STXBP5L: variants seen among roughly 807,000 people sequenced by gnomAD.
STXBP5L encodes the protein syntaxin-binding protein 5-like.
Under a neutral mutation model 144.5 loss-of-function variants are expected in STXBP5L, and 65 were observed. The ratio of observed to expected loss-of-function variants is 0.45; its 90% CI spans 0.37 to 0.55. The LOEUF (loss-of-function observed/expected upper bound fraction) is 0.55, where lower values mean the gene tolerates loss of function less well. Ranked by LOEUF, STXBP5L falls within the 20% of genes least tolerant of loss-of-function variation. The pLI, the probability that STXBP5L is intolerant of heterozygous loss-of-function variation, is 0.00. For synonymous variants in STXBP5L, 505 were observed against 469.6 expected, an observed-to-expected ratio of 1.08 and a Z score of -0.97; for missense variants, 1,298 against 1,405.5, an observed-to-expected ratio of 0.92 and a Z score of 1.22.
At chr3:121,271,154 A>C (rs1423680418) in intron 18 of STXBP5L, among the ~76,000 whole-genome samples, 1 of 152,206 alleles carries the variant, frequency 6.6e-6, no homozygotes, top group East Asian at 1.9e-4. Flanking sequence ...AGATTCTACT[A>C]TTAAGAGACC....
Position 120,988,426 on chromosome 3 carries a change from T to G in STXBP5L, c.287+33389T>G, listed in dbSNP as rs572134247. Reference sequence around the variant, plus strand: ...GGAAACCTTCTTCTTGTTTTGTTATTGATTTCTAGTTTAATTCCATTGTGT... The same window carrying G: ...GGAAACCTTCTTCTTGTTTTGTTATGGATTTCTAGTTTAATTCCATTGTGT... On this transcript the variant is annotated intron_variant, in intron 3 of 26. Coordinates refer to ENST00000471454, the MANE Select transcript of STXBP5L (RefSeq NM_001308330.2). Among the ~76,000 whole-genome samples, 5 of 152,170 alleles carry G rather than the reference T, an allele frequency of 3.3e-5. No individual in the cohort carries two copies. In the South Asian group the frequency reaches 1.0e-3, roughly 32 times the overall value.
At chr3:121,044,259 A>T (rs544937151) in intron 4 of STXBP5L, among the ~76,000 whole-genome samples, 2 of 152,278 alleles carry the variant, frequency 1.3e-5, no homozygotes, top group Admixed American at 1.3e-4. Flanking sequence ...TATTTTTATA[A>T]AGCCATTCCT....
chr3:121,105,615 A>T (rs1339595079), intron 5 of STXBP5L, among the ~76,000 whole-genome samples: 2 of 152,158 alleles, frequency 1.3e-5, no homozygotes, highest in African/African-American at 4.8e-5. Flanking sequence ...GGGAATGTAA[A>T]CTACTACAAC....
intron 5 of STXBP5L, among the ~76,000 whole-genome samples, chr3:121,070,362 G>T (rs184409397): frequency 7.9e-5 from 12 of 152,360 alleles, no homozygotes; most frequent in Admixed American, 7.8e-4. Flanking sequence ...TTTGAGGAAT[G>T]TGGAGTTGTG....
intron 20 of STXBP5L, among the ~76,000 whole-genome samples, chr3:121,343,632 T>C (rs1025753870): frequency 3.3e-5 from 5 of 152,004 alleles, no homozygotes; most frequent in African/African-American, 4.8e-5. Flanking sequence ...AAATCATGAG[T>C]GAACACCCAT....
intron 7 of STXBP5L, among the ~76,000 whole-genome samples, chr3:121,130,935 T>A (rs1351889173): frequency 6.6e-6 from 1 of 151,936 alleles, no homozygotes; most frequent in Non-Finnish European, 1.5e-5. Context: ...AAATCATATA[T>A]CAATAGAATT....
intron 9 of STXBP5L, among the ~76,000 whole-genome samples, chr3:121,198,027 G>T (rs1375705735): frequency 6.6e-6 from 1 of 152,110 alleles, no homozygotes; most frequent in African/African-American, 2.4e-5. Context: ...GGGATTGCTG[G>T]GTCAAATGGT....
At chr3:121,217,409 C>G (rs1166861562) in intron 10 of STXBP5L, among the ~76,000 whole-genome samples, 1 of 152,188 alleles carries the variant, frequency 6.6e-6, no homozygotes, top group African/African-American at 2.4e-5. Context: ...AGCACAGTCC[C>G]TCATGGCTTC....
rs547475359 is a variant in STXBP5L, at chr3:121,215,253, A to G, written c.957-7750A>G. The stretch of plus-strand genomic sequence containing the variant: ...AATTTGATCCTGTCATTATGACACT[A>G]GCTGGTTATTTTGCCCATTAGTTGT... On this transcript the variant is annotated intron_variant, in intron 10 of 26. Coordinates refer to ENST00000471454, the MANE Select transcript of STXBP5L (RefSeq NM_001308330.2). Among the ~76,000 whole-genome samples the G allele has an allele frequency of 7.2e-5, 11 of 152,306 alleles. No individual in the cohort carries two copies. In the South Asian group the frequency reaches 1.9e-3, roughly 26 times the overall value.
rs1014768376 is a variant in STXBP5L, at chr3:121,056,350, C to T, written c.470+10815C>T. ...TTGAGTGAAATTCAAATGTAGGCTA[C>T]GATATACAGACCCTTAAATTATCTG... On this transcript the variant is annotated intron_variant, in intron 5 of 26. Transcript: ENST00000471454. Among the ~76,000 whole-genome samples, 25 of 152,034 alleles carry T rather than the reference C, an allele frequency of 1.6e-4. No individual in the cohort carries two copies. In the East Asian group the frequency reaches 2.1e-3, roughly 13 times the overall value.
At chr3:120,983,138 C>T (rs368297270) in intron 3 of STXBP5L, among the ~76,000 whole-genome samples, 205 of 152,306 alleles carry the variant, frequency 1.3e-3, no homozygotes, top group African/African-American at 3.8e-3. Context: ...CCTGACCTGC[C>T]TGCTTCTTTC....
chr3:121,367,840 G>A (rs533356423), intron 20 of STXBP5L, among the ~76,000 whole-genome samples: 2 of 122,264 alleles, frequency 1.6e-5, no homozygotes, highest in East Asian at 5.3e-4. Context: ...GCCCAGGATG[G>A]TCTCAAACTC....
chr3:120,995,604 T>C (rs1943280136), intron 3 of STXBP5L, among the ~76,000 whole-genome samples: 1 of 152,180 alleles, frequency 6.6e-6, no homozygotes, highest in Non-Finnish European at 1.5e-5. Flanking sequence ...ACAATAAACA[T>C]GTAAATTATC....
intron 22 of STXBP5L, among the ~76,000 whole-genome samples, chr3:121,388,844 A>G (rs2046497393): frequency 6.6e-6 from 1 of 152,182 alleles, no homozygotes; most frequent in Admixed American, 6.5e-5. Context: ...ATATTGCTCT[A>G]AAATTCTCTT....
At chr3:120,990,439 C>T (rs951977123) in intron 3 of STXBP5L, among the ~76,000 whole-genome samples, 2 of 152,220 alleles carry the variant, frequency 1.3e-5, no homozygotes, top group Admixed American at 1.3e-4. Context: ...ACTTTCTTCA[C>T]AGAATTGGAA....
intron 9 of STXBP5L, among the ~76,000 whole-genome samples, chr3:121,163,771 T>G (rs1431220646): frequency 7.6e-6 from 1 of 130,808 alleles, no homozygotes; most frequent in East Asian, 2.0e-4. Flanking sequence ...ATATATCATG[T>G]TTTTTTTTTT....
At chr3:120,920,947 G>T (rs900350074) in intron 2 of STXBP5L, among the ~76,000 whole-genome samples, 1 of 151,786 alleles carries the variant, frequency 6.6e-6, no homozygotes, top group Non-Finnish European at 1.5e-5. Flanking sequence ...TGCAATAAAT[G>T]TAACAGTGCC....
chr3:121,031,319 G>A (rs1030557112), intron 3 of STXBP5L, among the ~76,000 whole-genome samples: 27 of 152,076 alleles, frequency 1.8e-4, no homozygotes, highest in African/African-American at 6.5e-4. Flanking sequence ...ATACATATAT[G>A]TATATGTATA....
chr3:121,358,349 G>T (rs574509104), intron 20 of STXBP5L, among the ~76,000 whole-genome samples: 3 of 152,084 alleles, frequency 2.0e-5, no homozygotes, highest in Non-Finnish European at 4.4e-5. Flanking sequence ...GTAATTTATA[G>T]ATAAAATAAA....
Sources: gnomAD v4.1 joint callset for allele counts (sites outside exome capture counted in the v4.1 genomes callset) on GRCh38, gnomAD v4.1.1 for gene constraint, MANE v1.5 for transcripts, NCBI Gene and HGNC (gene_info 2026-07-23, HGNC 2026-07-21) for gene names.